SLIT3: variants seen among roughly 807,000 people sequenced by gnomAD.
SLIT3 encodes the protein slit homolog 3 protein.
In SLIT3, 68 loss-of-function variants were observed where a neutral mutation model predicts 184.0. The observed-to-expected ratio is 0.37, with a 90% CI of 0.30 to 0.45. The LOEUF is 0.45. Ranked by LOEUF, SLIT3 falls within the 20% of genes least tolerant of loss-of-function variation. SLIT3 has a pLI of 1.00. For synonymous variants in SLIT3, 831 were observed against 828.6 expected (o/e 1.00, Z -0.05); for missense variants, 1,707 against 2,026.0 (o/e 0.84, Z 3.02).
At position 169,115,473 on chromosome 5, in the gene SLIT3, G is replaced by T. The variant is rs1213506976; in HGVS notation, c.413+78006C>A. 2.6e-5 allele frequency among the ~76,000 whole-genome samples: 4 copies of T among 152,256 alleles called. No homozygotes were observed. The East Asian group carries it at 5.8e-4, about 22-fold the overall frequency. Reference sequence around the variant, plus strand: ...TATTTAATTCTTATGATAACCCTGGGCAGTAGGTATTCCTGTTGTCCCAAT... The same window carrying T: ...TATTTAATTCTTATGATAACCCTGGTCAGTAGGTATTCCTGTTGTCCCAAT... On this transcript the variant is annotated intron_variant, in intron 4 of 35. Coordinates refer to ENST00000519560, the MANE Select transcript of SLIT3 (RefSeq NM_003062.4).
At chr5:169,233,506 A>C in intron 3 of SLIT3, among the ~76,000 whole-genome samples, 1 of 151,706 alleles carries the variant, frequency 6.6e-6, no homozygotes. Context: ...TGCTGGGCTT[A>C]ATACTTAGGT....
chr5:169,005,367 G>A (rs1441572031), intron 4 of SLIT3, among the ~76,000 whole-genome samples: 3 of 152,252 alleles, frequency 2.0e-5, no homozygotes, highest in African/African-American at 7.2e-5. Context: ...AGAATCTAAC[G>A]TCCGCATTAT....
chr5:169,248,942 G>A (rs1765686689), intron 2 of SLIT3, among the ~76,000 whole-genome samples: 1 of 152,126 alleles, frequency 6.6e-6, no homozygotes, highest in Non-Finnish European at 1.5e-5. Flanking sequence ...CATTTTATCT[G>A]CTTTTGCCCA....
At chr5:168,958,301 A>G (rs538492684) in intron 4 of SLIT3, among the ~76,000 whole-genome samples, 140 of 152,332 alleles carry the variant, frequency 9.2e-4, no homozygotes, top group African/African-American at 3.1e-3. Flanking sequence ...TCTAACTGGA[A>G]GGATAGTTTA....
intron 11 of SLIT3, among the ~76,000 whole-genome samples, chr5:168,786,636 C>T (rs956489995): frequency 5.3e-5 from 8 of 152,136 alleles, no homozygotes; most frequent in African/African-American, 1.9e-4. Context: ...CTTTCTCTTA[C>T]GGGCCTCCAG....
chr5:169,048,935 T>G (rs1264368562), intron 4 of SLIT3, among the ~76,000 whole-genome samples: 2 of 152,180 alleles, frequency 1.3e-5, no homozygotes, highest in African/African-American at 4.8e-5. Context: ...GGCCAGAGCT[T>G]TGGGAGAGGC....
At chr5:169,121,383 G>A (rs1054811834) in intron 4 of SLIT3, among the ~76,000 whole-genome samples, 2 of 152,270 alleles carry the variant, frequency 1.3e-5, no homozygotes, top group South Asian at 4.2e-4. Flanking sequence ...GGCCACTGGG[G>A]TTCCAAAAAG....
At chr5:169,246,213 G>C (rs1765583848) in intron 2 of SLIT3, among the ~76,000 whole-genome samples, 1 of 152,196 alleles carries the variant, frequency 6.6e-6, no homozygotes, top group African/African-American at 2.4e-5. Context: ...AGTAGAACTG[G>C]TCAGGCGAGG....
chr5:169,048,916 C>T (rs1187701579), intron 4 of SLIT3, among the ~76,000 whole-genome samples: 1 of 152,160 alleles, frequency 6.6e-6, no homozygotes, highest in African/African-American at 2.4e-5. Context: ...GTAGGCTAAG[C>T]AATGACCAGG....
chr5:168,760,997 C>A (rs1048344145), intron 15 of SLIT3, 61 bp from the exon 16 acceptor site: 1 of 1,283,080 alleles, frequency 7.8e-7, no homozygotes, highest in Middle Eastern at 2.0e-4. Context: ...CTTCCACCCC[C>A]CATGGCTTTG....
chr5:168,907,979 T>TATATAGAGAGAGAGAGAGAGAGAGAG (rs376418381), intron 4 of SLIT3, among the ~76,000 whole-genome samples: 2 of 50,086 alleles, frequency 4.0e-5, no homozygotes, highest in African/African-American at 2.5e-4. Context: ...TATATATATA[T>TATATAGAGAGAGAGAGAGAGAGAGAG]AGAGAGAGAG....
At chr5:169,230,957 T>G (rs67929081) in intron 3 of SLIT3, among the ~76,000 whole-genome samples, 36,840 of 152,160 alleles carry the variant, frequency 0.24, 5,480 homozygotes, top group Non-Finnish European at 0.34. Context: ...CAACAATTAT[T>G]TTCATTTTGC....
chr5:169,038,776 T>A (rs62379487), intron 4 of SLIT3, among the ~76,000 whole-genome samples: 41,228 of 151,900 alleles, frequency 0.27, 7,276 homozygotes, highest in East Asian at 0.55. Flanking sequence ...GGCACCACAT[T>A]GTTCAGTGGT....
Position 168,700,679 on chromosome 5 carries a change from C to T in SLIT3, c.2845G>A (p.Gly949Ser). The change falls in exon 27 of 36, where the codon GGC (glycine) becomes AGC (serine). Residue 949 changes from glycine to serine, a missense_variant and splice_region_variant. Physicochemically the swap from Gly to Ser is moderately conservative, Grantham distance 56 (BLOSUM62 0). This residue lies in a region of SLIT3 where 1,307 missense variants were observed against 1,511.6 expected (regional missense o/e 0.86). Coordinates refer to ENST00000519560, the MANE Select transcript of SLIT3 (RefSeq NM_003062.4). The part of the protein sequence containing the change: ...YRCACPYSYK[G>S]KDCTVPINTC... ...TTGATGGGCACAGTGCAGTCCTTGC[C>T]CTGAGGAGCAAAAGAGGGAGAAGCA... The T allele has an allele frequency of 6.2e-7, 1 of 1,613,462 alleles. No individual in the cohort carries two copies.
intron 4 of SLIT3, among the ~76,000 whole-genome samples, chr5:169,143,268 TTGC>T (rs1761804396): frequency 6.6e-6 from 1 of 152,210 alleles, no homozygotes; most frequent in Non-Finnish European, 1.5e-5. Context: ...GATTTACAGT[TTGC>T]TAAGGGCATT....
intron 4 of SLIT3, among the ~76,000 whole-genome samples, chr5:168,903,957 G>A (rs1003891128): frequency 1.3e-5 from 2 of 152,176 alleles, no homozygotes; most frequent in Non-Finnish European, 2.9e-5. Context: ...AACTGAGTTT[G>A]TTGAACCCCA....
intron 4 of SLIT3, among the ~76,000 whole-genome samples, chr5:168,988,774 C>A (rs1007919721): frequency 1.4e-5 from 2 of 146,276 alleles, no homozygotes; most frequent in Admixed American, 1.4e-4. Flanking sequence ...AACTAGGAGA[C>A]CCCCCCCCAG....
chr5:168,970,421 G>A (rs750783227), intron 4 of SLIT3, among the ~76,000 whole-genome samples: 19 of 151,670 alleles, frequency 1.3e-4, no homozygotes, highest in South Asian at 8.3e-4. Context: ...CTTGAACCCC[G>A]CAGGCGGAGG....
chr5:168,721,022 A>G (rs909840639), intron 23 of SLIT3: 6 of 152,182 alleles, frequency 3.9e-5, no homozygotes, highest in African/African-American at 1.4e-4. Context: ...CAGTTTCTCC[A>G]TGTTTAAAAT....
Sources: gnomAD v4.1 joint callset for allele counts (sites outside exome capture counted in the v4.1 genomes callset) on GRCh38, gnomAD v4.1.1 for gene constraint, gnomAD v4.1.1 regional missense constraint, MANE v1.5 for transcripts, NCBI Gene and HGNC (gene_info 2026-07-23, HGNC 2026-07-21) for gene names.